The following RORA variants were observed in gnomAD, a reference collection of about 807,000 sequenced individuals.
RORA encodes the protein nuclear receptor ROR-alpha.
RORA carries 7 observed loss-of-function variants against 69.5 expected under a neutral mutation model. The ratio of observed to expected loss-of-function variants is 0.10; its 90% CI spans 0.06 to 0.19. The LOEUF is 0.19. RORA is among the 10% of genes least tolerant of loss of function. The pLI is 1.00. For missense variants in RORA, 457 were observed against 663.0 expected, an observed-to-expected ratio of 0.69 and a Z score of 3.41; for synonymous variants, 261 against 240.8, an observed-to-expected ratio of 1.08 and a Z score of -0.78.
At chr15:60,826,086 G>A (rs1354374526) in intron 1 of RORA, among the ~76,000 whole-genome samples, 1 of 152,188 alleles carries the variant, frequency 6.6e-6, no homozygotes, top group South Asian at 2.1e-4. Flanking sequence ...CCAAATATGA[G>A]GAAGCCACAG....
intron 1 of RORA, among the ~76,000 whole-genome samples, chr15:60,705,185 G>T (rs1217236942): frequency 6.6e-6 from 1 of 152,026 alleles, no homozygotes; most frequent in East Asian, 1.9e-4. Context: ...AAAAACCTAG[G>T]TGGTTTTTAT....
chr15:60,672,129 C>T (rs961031881), intron 2 of RORA, among the ~76,000 whole-genome samples: 1 of 152,116 alleles, frequency 6.6e-6, no homozygotes, highest in African/African-American at 2.4e-5. Context: ...TTCCAGTAGA[C>T]TACTTTGTTT....
intron 5 of RORA, among the ~76,000 whole-genome samples, chr15:60,508,821 G>A (rs1354571030): frequency 6.6e-6 from 1 of 152,180 alleles, no homozygotes; most frequent in Non-Finnish European, 1.5e-5. Context: ...CAAAGCTTTA[G>A]ATATCAATTA....
chr15:60,636,874 A>G (rs1444340141), intron 2 of RORA, among the ~76,000 whole-genome samples: 1 of 152,096 alleles, frequency 6.6e-6, no homozygotes, highest in Non-Finnish European at 1.5e-5. Context: ...TTTTTATTCA[A>G]TCAAAAATAT....
chr15:61,114,594 T>C (rs2079034212), intron 1 of RORA, among the ~76,000 whole-genome samples: 2 of 152,230 alleles, frequency 1.3e-5, no homozygotes, highest in South Asian at 4.1e-4. Context: ...CTGCAAGTAT[T>C]TGGAGTCAGA....
Position 60,655,624 on chromosome 15 carries a change from C to T in RORA, c.196+23033G>A, listed in dbSNP as rs547216344. Among the ~76,000 whole-genome samples the T allele has an allele frequency of 3.3e-5, 5 of 152,288 alleles. No individual in the cohort carries two copies. In the South Asian group the frequency reaches 6.2e-4, roughly 19 times the overall value. The stretch of plus-strand genomic sequence containing the variant: ...GTCATTCAGAGCGTGTGACCCCTTT[C>T]TCCTAAAGCTTCCTACAGTAGAAGT... On this transcript the variant is annotated intron_variant, in intron 2 of 10. Transcript: ENST00000335670.
At chr15:60,627,323 G>A (rs1332895658) in intron 2 of RORA, 3 of 1,614,098 alleles carry the variant, frequency 1.9e-6, no homozygotes, top group Non-Finnish European at 8.5e-7. Flanking sequence ...ATTGACCACG[G>A]CACTCTTGCC....
chr15:61,007,661 T>A (rs1894948506), intron 1 of RORA, among the ~76,000 whole-genome samples: 1 of 150,636 alleles, frequency 6.6e-6, no homozygotes, highest in African/African-American at 2.4e-5. Flanking sequence ...GACAGCATGA[T>A]CAATGAAAGA....
chr15:61,215,589 T>A (rs886419161), intron 1 of RORA, among the ~76,000 whole-genome samples: 11 of 152,162 alleles, frequency 7.2e-5, no homozygotes, highest in Non-Finnish European at 1.0e-4. Flanking sequence ...AAGCCAAGCA[T>A]TTTTTTATGC....
intron 2 of RORA, among the ~76,000 whole-genome samples, chr15:60,631,735 A>AACCTCACAGGCTCCTGGCTT (rs2069741392): frequency 6.6e-6 from 1 of 152,256 alleles, no homozygotes; most frequent in Non-Finnish European, 1.5e-5. Flanking sequence ...GGCTAAGGGC[A>AACCTCACAGGCTCCTGGCTT]ACCTCACAGG....
intron 1 of RORA, among the ~76,000 whole-genome samples, chr15:61,188,505 C>A (rs1247690847): frequency 6.6e-6 from 1 of 152,294 alleles, no homozygotes; most frequent in South Asian, 2.1e-4. Flanking sequence ...TAATGGAAAA[C>A]GTGCAACTGT....
chr15:61,205,247 C>T (rs2140930847), intron 1 of RORA, among the ~76,000 whole-genome samples: 1 of 152,322 alleles, frequency 6.6e-6, no homozygotes, highest in Non-Finnish European at 1.5e-5. Flanking sequence ...ATGCCAACTT[C>T]AGCAACTTCT....
At chr15:60,862,828 G>T (rs771966670) in intron 1 of RORA, among the ~76,000 whole-genome samples, 9 of 152,186 alleles carry the variant, frequency 5.9e-5, no homozygotes, top group Non-Finnish European at 8.8e-5. Flanking sequence ...ATCTATTTGT[G>T]TAACTGTTCA....
intron 1 of RORA, chr15:60,686,649 T>G (rs572185873): frequency 1.3e-5 from 2 of 152,348 alleles, no homozygotes; most frequent in Admixed American, 6.5e-5. Flanking sequence ...GCTTACACCA[T>G]GCTTTTCCAG....
chr15:61,029,547 G>A (rs372619911), intron 1 of RORA, among the ~76,000 whole-genome samples: 80 of 152,270 alleles, frequency 5.3e-4, no homozygotes, highest in African/African-American at 1.9e-3. Flanking sequence ...GAGTTGGAAA[G>A]CTTATGTGTA....
chr15:60,783,835 A>C (rs1017074233), intron 1 of RORA, among the ~76,000 whole-genome samples: 1 of 152,260 alleles, frequency 6.6e-6, no homozygotes, highest in African/African-American at 2.4e-5. Flanking sequence ...TTTCAGATCA[A>C]CAACCTGTCT....
intron 2 of RORA, among the ~76,000 whole-genome samples, chr15:60,595,653 TATTC>T (rs1055973856): frequency 2.1e-4 from 32 of 150,422 alleles, no homozygotes; most frequent in African/African-American, 7.4e-4. Context: ...CTAAGGAACA[TATTC>T]TTTCTTTTTC....
At chr15:60,740,750 C>T (rs2071565231) in intron 1 of RORA, among the ~76,000 whole-genome samples, 1 of 152,166 alleles carries the variant, frequency 6.6e-6, no homozygotes, top group African/African-American at 2.4e-5. Flanking sequence ...ATACGCAGGA[C>T]CAAATGAGGT....
At chr15:60,623,795 A>AT (rs2069484908) in intron 2 of RORA, among the ~76,000 whole-genome samples, 1 of 152,182 alleles carries the variant, frequency 6.6e-6, no homozygotes, top group South Asian at 2.1e-4. Flanking sequence ...GTATTAAATA[A>AT]TTTTTTAAAA....
Sources: gnomAD v4.1 joint callset for allele counts (sites outside exome capture counted in the v4.1 genomes callset) on GRCh38, gnomAD v4.1.1 for gene constraint, MANE v1.5 for transcripts, NCBI Gene and HGNC (gene_info 2026-07-23, HGNC 2026-07-21) for gene names.